Variants in SLC35F5 observed in about 807,000 individuals in gnomAD.
SLC35F5 encodes solute carrier family 35 member F5, also known as HCV NS5A-transactivated protein 3.
SLC35F5 carries 54 observed loss-of-function variants against 68.6 expected under a neutral mutation model. The ratio of observed to expected loss-of-function variants is 0.79; its 90% confidence interval spans 0.63 to 0.99. SLC35F5 has a LOEUF of 0.99. Ranked by LOEUF, SLC35F5 falls within the 50% of genes least tolerant of loss-of-function variation. The pLI is 0.00. For missense variants in SLC35F5, 567 were observed against 626.9 expected, an observed-to-expected ratio of 0.90 and a Z score of 1.02; for synonymous variants, 211 against 205.2, an observed-to-expected ratio of 1.03 and a Z score of -0.24.
At position 113,729,298 on chromosome 2, in the gene SLC35F5, C is replaced by T. The variant is rs545962163; in HGVS notation, c.1090+103G>A. On this transcript the variant is annotated intron_variant, in intron 11 of 15. Transcript: ENST00000245680. ...CTTTAAATGGTTTTAAAGAATCATA[C>T]GGAAGAAAAAAAAAGGCTTCCCTAT... The T allele has an allele frequency of 8.6e-5, 50 of 583,264 alleles. 1 individual carries two copies. Among genetic ancestry groups the T allele is most frequent in the Admixed American group, 5.7e-4 (15 of 26,094 alleles). The allele number at this position is 583,264 out of a possible 1,614,324, so 36.1% of individuals were successfully genotyped here.
chr2:113,752,625 A>G (rs188159163), intron 3 of SLC35F5, among the ~76,000 whole-genome samples: 1 of 152,340 alleles, frequency 6.6e-6, no homozygotes, highest in East Asian at 1.9e-4. Flanking sequence ...TGATACATCC[A>G]ATAGGAAAAA....
chr2:113,717,002 C>T (rs1313676836), intron 15 of SLC35F5, among the ~76,000 whole-genome samples: 1 of 152,110 alleles, frequency 6.6e-6, no homozygotes, highest in Non-Finnish European at 1.5e-5. Context: ...AATCAAGAAA[C>T]ACTTCAATAT....
At chr2:113,736,269 T>C (rs534262404) in intron 7 of SLC35F5, among the ~76,000 whole-genome samples, 33 of 149,330 alleles carry the variant, frequency 2.2e-4, no homozygotes, top group African/African-American at 6.6e-4. Context: ...TGAAACCCCA[T>C]TTCTACAAAA....
intron 6 of SLC35F5, among the ~76,000 whole-genome samples, chr2:113,743,466 T>C (rs980861752): frequency 3.3e-5 from 5 of 152,202 alleles, no homozygotes; most frequent in African/African-American, 1.2e-4. Flanking sequence ...TGTGTATGTG[T>C]GTATACATAT....
chr2:113,734,805 G>C, intron 8 of SLC35F5, 132 bp from the exon 9 acceptor site: 1 of 603,938 alleles, frequency 1.7e-6, no homozygotes. Flanking sequence ...TCTTAACTAA[G>C]AAAATGACTG....
chr2:113,727,571 G>A (rs1344093879), intron 11 of SLC35F5, among the ~76,000 whole-genome samples: 1 of 151,924 alleles, frequency 6.6e-6, no homozygotes, highest in Non-Finnish European at 1.5e-5. Flanking sequence ...CTATTCCCTC[G>A]ACTGCCCAGA....
At position 113,755,234 on chromosome 2, in the gene SLC35F5, T is replaced by C. The variant is rs1676923121; in HGVS notation, c.204A>G (p.Arg68=). The change falls in exon 3 of 16, where the codon CGA becomes CGG. Residue 68 remains arginine, a synonymous_variant. Transcript: ENST00000245680. ...SQNSGFTQRR[R]MALGIVILLL... The stretch of plus-strand genomic sequence containing the variant: ...GAAGAATAACAATCCCAAGAGCCAT[T>C]CGCCTGCGCTGAGTGAAACCACTGT... 6.2e-7 allele frequency: 1 copy of C among 1,613,974 alleles called. No individual in the cohort carries two copies.
In SLC35F5 at chr2:113,725,529, C is replaced by T. The variant is rs1687625893; in HGVS notation, c.1099G>A (p.Gly367Ser). The T allele has an allele frequency of 6.3e-7, 1 of 1,576,002 alleles. No individual in the cohort carries two copies. The highest frequency in any genetic ancestry group is 8.5e-7 in the Non-Finnish European group (1 of 1,170,090). Residue 367 changes from glycine (G) to serine (S), a missense_variant, in exon 12 of 16, where the codon GGT becomes AGT. Transcript: ENST00000245680. ...CATAAGAGCAGCAGATTAAACAAAC[C>T]TACAAAACCTGAACATGTATAAAAG... ...LDIPMFFGFV[G>S]LFNLLLLWPG...
At chr2:113,750,156 C>A (rs1342328961) in intron 4 of SLC35F5, among the ~76,000 whole-genome samples, 1 of 152,138 alleles carries the variant, frequency 6.6e-6, no homozygotes, top group Non-Finnish European at 1.5e-5. Context: ...ATCTTCATTG[C>A]CACATTAATT....
intron 3 of SLC35F5, among the ~76,000 whole-genome samples, chr2:113,753,777 C>T (rs1228481655): frequency 6.6e-6 from 1 of 152,010 alleles, no homozygotes; most frequent in African/African-American, 2.4e-5. Context: ...TAACCAGGTG[C>T]TATTTTGTCC....
downstream of SLC35F5, among the ~76,000 whole-genome samples, chr2:113,704,574 G>A (rs1440161235): frequency 4.6e-5 from 7 of 152,182 alleles, no homozygotes; most frequent in African/African-American, 1.2e-4. Flanking sequence ...AAGGCCCGGC[G>A]AGAAATCGAG....
chr2:113,755,103 A>G (rs1676913622), intron 3 of SLC35F5, 62 bp downstream of exon 3: 10 of 1,512,930 alleles, frequency 6.6e-6, no homozygotes, highest in Non-Finnish European at 9.0e-6. Context: ...TAGAGTTACT[A>G]CAGGTTAAGA....
At chr2:113,739,623 C>T (rs1688216338) in intron 7 of SLC35F5, among the ~76,000 whole-genome samples, 1 of 152,108 alleles carries the variant, frequency 6.6e-6, no homozygotes, top group Non-Finnish European at 1.5e-5. Flanking sequence ...GTTGGGATCT[C>T]TGTTTGCTTG....
At chr2:113,727,886 A>G (rs1028909962) in intron 11 of SLC35F5, among the ~76,000 whole-genome samples, 1 of 152,226 alleles carries the variant, frequency 6.6e-6, no homozygotes, top group Non-Finnish European at 1.5e-5. Flanking sequence ...AAATTTTTAA[A>G]AAGTACCACT....
intron 15 of SLC35F5, among the ~76,000 whole-genome samples, chr2:113,716,805 A>T (rs75781891): frequency 0.01 from 1,578 of 152,288 alleles, 24 homozygotes; most frequent in Non-Finnish European, 0.014. Flanking sequence ...AGCTCAAACC[A>T]TGTGCAGGTA....
intron 1 of SLC35F5, chr2:113,755,965 T>A: frequency 1.3e-6 from 2 of 1,549,120 alleles, no homozygotes; most frequent in Non-Finnish European, 1.7e-6. Flanking sequence ...GGAGAGTAAG[T>A]GATTTGCTGT....
intron 11 of SLC35F5, 39 bp downstream of exon 11, chr2:113,729,362 T>G: frequency 9.3e-7 from 1 of 1,077,614 alleles, no homozygotes. Context: ...GTGTTAATCA[T>G]TTAGAGTAAA....
chr2:113,722,244 G>A (rs1264773232), intron 13 of SLC35F5, among the ~76,000 whole-genome samples: 1 of 152,160 alleles, frequency 6.6e-6, no homozygotes, highest in Admixed American at 6.5e-5. Flanking sequence ...CAAGTGCTGG[G>A]ATTACAGGCG....
chr2:113,735,932 C>G, intron 7 of SLC35F5, 74 bp from the exon 8 acceptor site: 1 of 913,986 alleles, frequency 1.1e-6, no homozygotes, highest in Non-Finnish European at 1.7e-6. Flanking sequence ...TCAGAATTCC[C>G]TTTTTTGTTC....
Sources: gnomAD v4.1 joint callset for allele counts (sites outside exome capture counted in the v4.1 genomes callset) on GRCh38, gnomAD v4.1.1 for gene constraint, MANE v1.5 for transcripts, NCBI Gene and HGNC (gene_info 2026-07-23, HGNC 2026-07-21) for gene names.